The following PHF24 variants were observed in gnomAD, a reference collection of about 807,000 sequenced individuals.
PHF24 encodes the protein PHD finger protein 24.
Under a neutral mutation model 42.6 loss-of-function variants are expected in PHF24, and 25 were observed. That is an observed-to-expected ratio of 0.59 (90% CI 0.43 to 0.82). The LOEUF (loss-of-function observed/expected upper bound fraction) is 0.82. Among genes scored for constraint, PHF24 ranks in the 40% least tolerant of loss-of-function variants. PHF24 has a pLI of 0.00. For missense variants in PHF24, 470 were observed against 538.1 expected (o/e 0.87, Z 1.25); for synonymous variants, 185 against 204.8 (o/e 0.90, Z 0.83).
At chr9:34,888,507 G>C in the PHF24 span, among the ~76,000 whole-genome samples, 13 of 152,204 alleles carry the variant, frequency 8.5e-5, no homozygotes, top group Non-Finnish European at 1.5e-5. Context: ...AATGGAGGTT[G>C]GAACAGGCAA....
chr9:34,790,714 A>G, the PHF24 span, among the ~76,000 whole-genome samples: 3 of 152,264 alleles, frequency 2.0e-5, no homozygotes, highest in South Asian at 2.1e-4. Context: ...TGATAAAAAT[A>G]TAAAATAGAG....
upstream of PHF24, among the ~76,000 whole-genome samples, chr9:34,957,259 C>G (rs568185100): frequency 6.6e-6 from 1 of 151,828 alleles, no homozygotes; most frequent in South Asian, 2.1e-4. Context: ...ATACTAGACG[C>G]TCAAAAAAAT....
the PHF24 span, among the ~76,000 whole-genome samples, chr9:34,791,167 A>G: frequency 6.6e-6 from 1 of 152,254 alleles, no homozygotes; most frequent in African/African-American, 2.4e-5. Context: ...AAGCAGGACA[A>G]TCAGTGCATA....
chr9:34,877,655 AT>A, the PHF24 span, among the ~76,000 whole-genome samples: 1 of 152,052 alleles, frequency 6.6e-6, no homozygotes, highest in African/African-American at 2.4e-5. Context: ...TTTTACCATA[AT>A]TTTTTTTAAT....
At chr9:34,888,525 A>G in the PHF24 span, among the ~76,000 whole-genome samples, 32 of 152,376 alleles carry the variant, frequency 2.1e-4, no homozygotes, top group African/African-American at 7.5e-4. Context: ...CAACAGGACT[A>G]GAGTGGGCTC....
At chr9:34,738,725 C>G in the PHF24 span, among the ~76,000 whole-genome samples, 2 of 152,178 alleles carry the variant, frequency 1.3e-5, no homozygotes, top group African/African-American at 4.8e-5. Flanking sequence ...GGGAGGACTT[C>G]TGGGAAGGAG....
At chr9:34,885,237 C>T in the PHF24 span, among the ~76,000 whole-genome samples, 1 of 152,178 alleles carries the variant, frequency 6.6e-6, no homozygotes, top group South Asian at 2.1e-4. Flanking sequence ...GGACTGGGCC[C>T]CCATCCCTTA....
exon 3 of PHF24, chr9:34,972,531 T>C: frequency 1.2e-6 from 2 of 1,606,484 alleles, no homozygotes; most frequent in Non-Finnish European, 1.7e-6. Flanking sequence ...GCCACTACTG[T>C]GTAAGTCTGG....
the PHF24 span, among the ~76,000 whole-genome samples, chr9:34,933,393 ATGAT>A: frequency 1.3e-5 from 2 of 152,180 alleles, no homozygotes; most frequent in African/African-American, 4.8e-5. Flanking sequence ...TAAAAATTCT[ATGAT>A]ATAGACTCAC....
the PHF24 span, among the ~76,000 whole-genome samples, chr9:34,670,337 T>C: frequency 6.6e-6 from 1 of 152,328 alleles, no homozygotes; most frequent in African/African-American, 2.4e-5. Flanking sequence ...GAGACCCTAC[T>C]TGTGGCTGGT....
At chr9:34,762,719 A>G in the PHF24 span, among the ~76,000 whole-genome samples, 1 of 151,274 alleles carries the variant, frequency 6.6e-6, no homozygotes, top group Non-Finnish European at 1.5e-5. Flanking sequence ...CCATTTGTCG[A>G]TTTTGGCTTT....
At chr9:34,922,063 T>C in the PHF24 span, 1 of 892,046 alleles carries the variant, frequency 1.1e-6, no homozygotes, top group Non-Finnish European at 1.7e-6. Context: ...AATATAGAAA[T>C]TCAAATAGAA....
chr9:34,757,527 C>T, the PHF24 span, among the ~76,000 whole-genome samples: 1 of 151,810 alleles, frequency 6.6e-6, no homozygotes, highest in Non-Finnish European at 1.5e-5. Context: ...TTGATGTGTC[C>T]CTATGTTGAG....
At chr9:34,976,085 G>T in intron 3 of PHF24, 67 bp from the exon 4 acceptor site, 1 of 1,057,900 alleles carries the variant, frequency 9.5e-7, no homozygotes. Context: ...TCTATTTCTA[G>T]CCCCCTTGAC....
chr9:34,742,671 C>A, the PHF24 span, among the ~76,000 whole-genome samples: 2 of 152,094 alleles, frequency 1.3e-5, no homozygotes, highest in Non-Finnish European at 2.9e-5. Flanking sequence ...CTCAAGAGAT[C>A]CTCCTGCCTT....
At chr9:34,838,480 G>A in the PHF24 span, 4 of 1,338,486 alleles carry the variant, frequency 3.0e-6, no homozygotes, top group African/African-American at 5.8e-5. Context: ...CAGAACAAAA[G>A]TAGGGCTCAA....
At chr9:34,812,278 A>T in the PHF24 span, among the ~76,000 whole-genome samples, 2 of 152,198 alleles carry the variant, frequency 1.3e-5, no homozygotes, top group African/African-American at 2.4e-5. Flanking sequence ...ATGGCTATTT[A>T]AAAAAAAGGA....
chr9:34,897,384 G>A, the PHF24 span, among the ~76,000 whole-genome samples: 1 of 152,170 alleles, frequency 6.6e-6, no homozygotes, highest in Non-Finnish European at 1.5e-5. Flanking sequence ...ATTTTGCTGG[G>A]GAAGGGGCTA....
At chr9:34,727,489 C>T in the PHF24 span, among the ~76,000 whole-genome samples, 1 of 152,204 alleles carries the variant, frequency 6.6e-6, no homozygotes, top group Admixed American at 6.5e-5. Flanking sequence ...CTCTTCGGAA[C>T]CAGTCCTGTT....
Sources: gnomAD v4.1 joint callset for allele counts (sites outside exome capture counted in the v4.1 genomes callset) on GRCh38, gnomAD v4.1.1 for gene constraint, MANE v1.5 for transcripts, NCBI Gene and HGNC (gene_info 2026-07-23, HGNC 2026-07-21) for gene names.